SKIC3: variants seen among roughly 807,000 people sequenced by gnomAD.
The protein encoded by SKIC3 is superkiller complex protein 3.
the SKIC3 span, among the ~76,000 whole-genome samples, chr5:95,513,888 C>A: frequency 1.6e-3 from 248 of 152,308 alleles, 2 homozygotes; most frequent in African/African-American, 5.8e-3. Context: ...TGATAATCAT[C>A]TAAGATCTAC....
At chr5:95,504,488 T>A in the SKIC3 span, among the ~76,000 whole-genome samples, 2 of 151,896 alleles carry the variant, frequency 1.3e-5, no homozygotes, top group Non-Finnish European at 2.9e-5. Flanking sequence ...TTGACTTTAA[T>A]ATGGATCTCT....
the SKIC3 span, among the ~76,000 whole-genome samples, chr5:95,533,251 C>A: frequency 2.0e-5 from 3 of 152,066 alleles, no homozygotes; most frequent in African/African-American, 7.2e-5. Flanking sequence ...ATTTTCAATT[C>A]TCAACAGGCA....
chr5:95,490,489 CAT>C, the SKIC3 span, among the ~76,000 whole-genome samples: 3 of 138,544 alleles, frequency 2.2e-5, no homozygotes, highest in Admixed American at 7.1e-5. Context: ...TAAAAATATA[CAT>C]ATATATATAT....
At chr5:95,541,695 G>T in the SKIC3 span, 1 of 556,354 alleles carries the variant, frequency 1.8e-6, no homozygotes, top group Non-Finnish European at 2.9e-6. Context: ...ACAAATGTTT[G>T]AAAAAAAAAA....
At chr5:95,475,636 G>A in the SKIC3 span, among the ~76,000 whole-genome samples, 5 of 152,174 alleles carry the variant, frequency 3.3e-5, no homozygotes, top group Non-Finnish European at 7.3e-5. Flanking sequence ...TGCAACAGAC[G>A]AATACAGTTG....
the SKIC3 span, chr5:95,482,614 AG>A: frequency 6.2e-7 from 1 of 1,613,994 alleles, no homozygotes; most frequent in Middle Eastern, 1.7e-4. Context: ...CTGGCTGATC[AG>A]GGTTACTTTT....
the SKIC3 span, among the ~76,000 whole-genome samples, chr5:95,487,772 A>C: frequency 1.1e-4 from 17 of 152,318 alleles, 1 homozygote; most frequent in African/African-American, 3.4e-4. Context: ...AAAGGAAACA[A>C]GAAAAAGCAA....
chr5:95,478,968 A>G, the SKIC3 span, among the ~76,000 whole-genome samples: 11 of 152,278 alleles, frequency 7.2e-5, no homozygotes, highest in East Asian at 2.1e-3. Context: ...AAGAATGTTT[A>G]CTTATCACCA....
At chr5:95,542,159 C>T in the SKIC3 span, among the ~76,000 whole-genome samples, 19 of 151,948 alleles carry the variant, frequency 1.3e-4, no homozygotes, top group Admixed American at 3.9e-4. Flanking sequence ...CCTTTTCTTT[C>T]GAAAATTCAT....
At chr5:95,544,355 G>A in the SKIC3 span, among the ~76,000 whole-genome samples, 39 of 152,178 alleles carry the variant, frequency 2.6e-4, no homozygotes, top group South Asian at 3.5e-3. Flanking sequence ...ACCTACCATC[G>A]TCACTCACCA....
chr5:95,547,016 A>C, the SKIC3 span: 1 of 1,555,168 alleles, frequency 6.4e-7, no homozygotes. Flanking sequence ...AATGTTTATA[A>C]ATGGGTAACA....
At chr5:95,535,455 C>T in the SKIC3 span, among the ~76,000 whole-genome samples, 1 of 151,626 alleles carries the variant, frequency 6.6e-6, no homozygotes, top group African/African-American at 2.4e-5. Context: ...GGATTACAGG[C>T]GCCCGCCACC....
the SKIC3 span, among the ~76,000 whole-genome samples, chr5:95,473,284 ATTGT>A: frequency 2.6e-5 from 4 of 151,742 alleles, no homozygotes; most frequent in African/African-American, 7.3e-5. Flanking sequence ...TTTTGTTGTT[ATTGT>A]TTGTTTGTTT....
chr5:95,503,236 A>C, the SKIC3 span, among the ~76,000 whole-genome samples: 1 of 152,172 alleles, frequency 6.6e-6, no homozygotes, highest in South Asian at 2.1e-4. Context: ...CCTAACTTCT[A>C]CGTTCGGAAT....
the SKIC3 span, among the ~76,000 whole-genome samples, chr5:95,501,183 T>C: frequency 6.6e-6 from 1 of 152,162 alleles, no homozygotes; most frequent in Non-Finnish European, 1.5e-5. Context: ...CTTTGTGCCT[T>C]GCTCAAAGGA....
the SKIC3 span, chr5:95,506,816 A>AT: frequency 1.9e-6 from 2 of 1,040,758 alleles, no homozygotes; most frequent in Non-Finnish European, 2.9e-6. Flanking sequence ...TTCTATGGAA[A>AT]TTATGTATCC....
chr5:95,546,094 G>A, the SKIC3 span, among the ~76,000 whole-genome samples: 1 of 151,894 alleles, frequency 6.6e-6, no homozygotes, highest in Non-Finnish European at 1.5e-5. Context: ...TTAGACTCCA[G>A]GGCTCACCAC....
the SKIC3 span, among the ~76,000 whole-genome samples, chr5:95,526,914 A>G: frequency 6.6e-6 from 1 of 152,146 alleles, no homozygotes; most frequent in African/African-American, 2.4e-5. Context: ...TCGTTATTTC[A>G]TTATCCTGAG....
At chr5:95,525,501 T>C in the SKIC3 span, 2 of 1,613,968 alleles carry the variant, frequency 1.2e-6, no homozygotes, top group African/African-American at 1.3e-5. Flanking sequence ...TCTTCCATAA[T>C]CTATAAAGTA....
Sources: gnomAD v4.1 joint callset for allele counts (sites outside exome capture counted in the v4.1 genomes callset) on GRCh38, gnomAD v4.1.1 for gene constraint, MANE v1.5 for transcripts, NCBI Gene and HGNC (gene_info 2026-07-23, HGNC 2026-07-21) for gene names.